The following C4orf51 variants were observed in gnomAD, a reference collection of about 807,000 sequenced individuals.
The protein encoded by C4orf51 is uncharacterized protein C4orf51.
C4orf51 carries 25 observed loss-of-function variants against 25.2 expected under a neutral mutation model. That is an observed-to-expected ratio of 0.99 (90% confidence interval 0.72 to 1.39). The LOEUF (loss-of-function observed/expected upper bound fraction) is 1.39, where lower values mean the gene tolerates loss of function less well. Among genes scored for constraint, C4orf51 ranks in the 40% most tolerant of loss-of-function variants. The pLI is 0.00. For missense variants in C4orf51, 252 were observed against 239.6 expected, an observed-to-expected ratio of 1.05 and a Z score of -0.34; for synonymous variants, 100 against 84.5, an observed-to-expected ratio of 1.18 and a Z score of -1.01.
At chr4:145,703,934 G>T (rs1730629750) in intron 2 of C4orf51, among the ~76,000 whole-genome samples, 1 of 152,176 alleles carries the variant, frequency 6.6e-6, no homozygotes, top group Non-Finnish European at 1.5e-5. Flanking sequence ...ATTAATAAAA[G>T]AAAAGGCATA....
chr4:145,701,853 C>G (rs1443340618), intron 2 of C4orf51, among the ~76,000 whole-genome samples: 1 of 151,928 alleles, frequency 6.6e-6, no homozygotes, highest in Non-Finnish European at 1.5e-5. Flanking sequence ...ATTATTAGGC[C>G]GAGATATTTT....
chr4:145,706,298 T>C (rs1021238891), intron 2 of C4orf51, among the ~76,000 whole-genome samples: 1 of 152,190 alleles, frequency 6.6e-6, no homozygotes, highest in East Asian at 1.9e-4. Context: ...CTTTTAAAAT[T>C]GGCTTTAATG....
chr4:145,783,793 A>C, the C4orf51 span, among the ~76,000 whole-genome samples: 1 of 152,220 alleles, frequency 6.6e-6, no homozygotes, highest in South Asian at 2.1e-4. Context: ...CCAACTCCCA[A>C]GGATGGAGAA....
At chr4:145,746,845 A>G (rs1034257513) in intron 1 of C4orf51, among the ~76,000 whole-genome samples, 1 of 152,162 alleles carries the variant, frequency 6.6e-6, no homozygotes, top group Non-Finnish European at 1.5e-5. Flanking sequence ...GCAATCCACA[A>G]ACATGGAATA....
chr4:145,710,379 T>G (rs1731064841), intron 2 of C4orf51, among the ~76,000 whole-genome samples: 1 of 152,188 alleles, frequency 6.6e-6, no homozygotes. Flanking sequence ...ACTTGGGGTT[T>G]TATATGTTGG....
chr4:145,778,340 G>A, the C4orf51 span, among the ~76,000 whole-genome samples: 1 of 152,180 alleles, frequency 6.6e-6, no homozygotes, highest in Non-Finnish European at 1.5e-5. Context: ...CACCACTTTG[G>A]CCAGGCTGGT....
chr4:145,761,367 G>A lies in C4orf51; in HGVS notation n.167-9621G>A, dbSNP rs1302652089. On this transcript the variant is annotated intron_variant and non_coding_transcript_variant, in intron 1 of 1. Transcript: ENST00000510096. The surrounding 1 kb of genome is among the most constrained non-coding windows in gnomAD (Gnocchi z 6.8). ...GGTCACAGTGGAAGGGCCGCTCCCC[G>A]GTGTGGACGCGCACGTGCTCGATGA... 1.3e-5 allele frequency: 17 copies of A among 1,289,830 alleles called. No individual in the cohort carries two copies. Among genetic ancestry groups the A allele is most frequent in the South Asian group, 7.4e-5 (6 of 81,056 alleles). 79.9% of individuals were successfully genotyped at this position (1,289,830 alleles called of 1,614,324 possible). A position where few individuals can be genotyped will look rare whatever the true frequency, so the allele number is the denominator to read the frequency against.
chr4:145,681,196 G>T (rs1178323603), intron 1 of C4orf51, among the ~76,000 whole-genome samples: 1 of 152,090 alleles, frequency 6.6e-6, no homozygotes, highest in Non-Finnish European at 1.5e-5. Flanking sequence ...GACTTGTTAT[G>T]AAATCTATCC....
chr4:145,788,650 A>C, the C4orf51 span, among the ~76,000 whole-genome samples: 2 of 152,166 alleles, frequency 1.3e-5, no homozygotes, highest in South Asian at 4.1e-4. Flanking sequence ...TTTATATTAC[A>C]ACATGGAAGC....
chr4:145,766,752 C>T (rs921642120), intron 1 of C4orf51, among the ~76,000 whole-genome samples: 1 of 152,122 alleles, frequency 6.6e-6, no homozygotes, highest in Non-Finnish European at 1.5e-5. Context: ...GAACAGTGCC[C>T]GGCACTTAGA....
At chr4:145,790,375 A>C in the C4orf51 span, among the ~76,000 whole-genome samples, 1 of 152,324 alleles carries the variant, frequency 6.6e-6, no homozygotes, top group East Asian at 1.9e-4. Context: ...ATAATTAAAA[A>C]TTTAATGATT....
intron 2 of C4orf51, among the ~76,000 whole-genome samples, chr4:145,699,787 C>G (rs1269902092): frequency 6.6e-6 from 1 of 151,708 alleles, no homozygotes; most frequent in Non-Finnish European, 1.5e-5. Flanking sequence ...TTGTCTCTAC[C>G]CCTTCTCTGC....
At chr4:145,710,024 C>T (rs1014726623) in intron 2 of C4orf51, among the ~76,000 whole-genome samples, 14 of 152,180 alleles carry the variant, frequency 9.2e-5, no homozygotes, top group African/African-American at 3.1e-4. Context: ...TCTCTTACCA[C>T]AAGGGATCAT....
intron 1 of C4orf51, chr4:145,760,738 G>C: frequency 4.9e-6 from 2 of 406,396 alleles, no homozygotes; most frequent in South Asian, 9.6e-5. Context: ...TTTTTTTTTT[G>C]TCTTTTGTCT....
chr4:145,772,240 A>C (rs866658132), downstream of C4orf51, among the ~76,000 whole-genome samples: 3 of 152,232 alleles, frequency 2.0e-5, no homozygotes, highest in African/African-American at 7.2e-5. Flanking sequence ...TGTACTGTGT[A>C]GGGCCTGCTC....
chr4:145,724,072 C>T (rs1230002623), intron 2 of C4orf51, among the ~76,000 whole-genome samples: 2 of 152,086 alleles, frequency 1.3e-5, no homozygotes, highest in Non-Finnish European at 2.9e-5. Context: ...TGGTTTTTTT[C>T]CCCAGAATGC....
chr4:145,750,647 C>T (rs922360217), intron 1 of C4orf51, among the ~76,000 whole-genome samples: 1 of 151,992 alleles, frequency 6.6e-6, no homozygotes, highest in Non-Finnish European at 1.5e-5. Flanking sequence ...ACTTGGTGTT[C>T]TATAACCTTC....
chr4:145,748,896 T>C (rs1453182314), intron 1 of C4orf51, among the ~76,000 whole-genome samples: 1 of 152,056 alleles, frequency 6.6e-6, no homozygotes, highest in Non-Finnish European at 1.5e-5. Context: ...TGGTCAATAG[T>C]GCAGATTAAG....
chr4:145,709,105 G>T (rs979285235), intron 2 of C4orf51, among the ~76,000 whole-genome samples: 7 of 152,176 alleles, frequency 4.6e-5, no homozygotes, highest in Non-Finnish European at 8.8e-5. Flanking sequence ...TAGAGGGAAA[G>T]GTTTATTTGC....
Sources: gnomAD v4.1 joint callset for allele counts (sites outside exome capture counted in the v4.1 genomes callset) on GRCh38, gnomAD v4.1.1 for gene constraint, Gnocchi (gnomAD v3.1) non-coding constraint, MANE v1.5 for transcripts, NCBI Gene and HGNC (gene_info 2026-07-23, HGNC 2026-07-21) for gene names.